Variants in ZNF425 observed in about 807,000 individuals in gnomAD.
ZNF425 encodes zinc finger protein 425.
A neutral mutation model predicts 17.0 loss-of-function variants in ZNF425; 21 were observed. That is an observed-to-expected ratio of 1.23 (90% CI 0.88 to 1.78). The LOEUF (loss-of-function observed/expected upper bound fraction) is 1.78, where lower values mean the gene tolerates loss of function less well. ZNF425 is among the 40% of genes most tolerant of loss of function. The pLI is 0.00. For missense variants in ZNF425, 868 were observed against 967.3 expected (o/e 0.90, Z 1.36); for synonymous variants, 433 against 384.1 (o/e 1.13, Z -1.49).
At chr7:149,114,173 C>T (rs186997252) in intron 2 of ZNF425, among the ~76,000 whole-genome samples, 1,545 of 151,822 alleles carry the variant, frequency 0.01, 10 homozygotes, top group African/African-American at 0.022. Flanking sequence ...ATTCTCCTGC[C>T]TCAGCCTCCT....
chr7:149,111,285 C>T (rs1585485180), intron 3 of ZNF425, among the ~76,000 whole-genome samples: 2 of 150,154 alleles, frequency 1.3e-5, no homozygotes, highest in Non-Finnish European at 3.0e-5. Context: ...ACTGTCTCTA[C>T]TAAAAATACA....
chr7:149,124,523 T>G (rs10246842), intron 1 of ZNF425, among the ~76,000 whole-genome samples: 1,622 of 142,678 alleles, frequency 0.011, 34 homozygotes, highest in African/African-American at 0.046. Context: ...TCACCCATAT[T>G]TTTTTGTTGT....
Position 149,103,884 on chromosome 7 carries a change from C to T in ZNF425, c.1987G>A (p.Glu663Lys), listed in dbSNP as rs774021145. 8.7e-6 allele frequency: 14 copies of T among 1,613,956 alleles called. No individual in the cohort carries two copies. In the East Asian group the frequency reaches 2.9e-4, roughly 33 times the overall value. ...CACTCCGGACACTGGAAGGGCTTCT[C>T]CCCGCTGTGGACTCGAATGTGTTCT... ...LTEHIRVHSG[E>K]KPFQCPECDK... The change falls in exon 4 of 4, where the codon GAG becomes AAG. Residue 663 changes from glutamate to lysine, a missense_variant. Physicochemically the swap from Glu to Lys is moderately conservative, Grantham distance 56. Coordinates refer to ENST00000378061, the MANE Select transcript of ZNF425 (RefSeq NM_001001661.3).
intron 1 of ZNF425, among the ~76,000 whole-genome samples, chr7:149,122,695 TTTTG>T (rs1480359388): frequency 6.6e-6 from 1 of 152,088 alleles, no homozygotes; most frequent in African/African-American, 2.4e-5. Flanking sequence ...GGTTTTTTGT[TTTTG>T]TTTTTGTTTT....
Position 149,104,617 on chromosome 7 carries a change from C to G in ZNF425, c.1254G>C (p.Glu418Asp), listed in dbSNP as rs1826043850. The change falls in exon 4 of 4, where the codon GAG becomes GAC. Residue 418 changes from glutamate to aspartate, a missense_variant. Around this residue, in one of 5 missense-constraint regions of ZNF425, gnomAD observed 437 missense variants for 444.2 expected, o/e 0.98. Coordinates refer to ENST00000378061, the MANE Select transcript of ZNF425 (RefSeq NM_001001661.3). This position sits in a 1 kb window ranked among gnomAD's most constrained non-coding sequence, Gnocchi z 4.3. ...TCTTGAGGCGGAAACTTTTGTTACA[C>G]TCGGGACACGAAAAGGGCTTCTCTC... ...HTGEKPFSCPECNKSFRLKRS... is the reference protein window; with the variant it reads ...HTGEKPFSCPDCNKSFRLKRS... 2 of 1,614,186 alleles carry G rather than the reference C, an allele frequency of 1.2e-6. No homozygotes were observed. The highest frequency in any genetic ancestry group is 1.7e-6 in the Non-Finnish European group (2 of 1,180,048).
intron 2 of ZNF425, among the ~76,000 whole-genome samples, chr7:149,117,518 C>T (rs1826285057): frequency 6.6e-6 from 1 of 151,518 alleles, no homozygotes; most frequent in African/African-American, 2.4e-5. Flanking sequence ...ACCAATAGTT[C>T]CTTGAAGATG....
chr7:149,115,915 C>T (rs1473891191), intron 2 of ZNF425, among the ~76,000 whole-genome samples: 3 of 152,182 alleles, frequency 2.0e-5, no homozygotes, highest in African/African-American at 4.8e-5. Context: ...AAATCCTAAG[C>T]GCTGGGGCTG....
chr7:149,112,156 A>T lies in ZNF425; in HGVS notation c.285T>A (p.Thr95=), dbSNP rs765317802. The change falls in exon 3 of 4, where the codon ACT becomes ACA. Residue 95 remains threonine, a synonymous_variant. Coordinates refer to ENST00000378061, the MANE Select transcript of ZNF425 (RefSeq NM_001001661.3). ...PTDEQLNMKN[T]GKLLCFDDEG... ...ACTCACCAAAACATAGCAACTTTCC[A>T]GTATTCTTCATGTTCAACTGTTCAT... is the stretch of plus-strand genomic sequence containing the variant. The T allele has an allele frequency of 5.6e-6, 9 of 1,613,722 alleles. No individual in the cohort carries two copies. Among genetic ancestry groups the T allele is most frequent in the Admixed American group, 1.7e-5 (1 of 59,920 alleles).
chr7:149,118,365 T>C lies in ZNF425; in HGVS notation c.19-17A>G. On this transcript the variant is annotated splice_polypyrimidine_tract_variant and intron_variant, in intron 1 of 3. Transcript: ENST00000378061. ...CACAGTTACCTGGAATCACAAATAG[T>C]ATACACATACATTTTTACTTTACGG... The C allele has an allele frequency of 1.2e-6, 2 of 1,613,836 alleles. No individual in the cohort carries two copies. The highest frequency in any genetic ancestry group is 1.6e-4 in the Middle Eastern group (1 of 6,062).
chr7:149,103,736 T>G lies in ZNF425; in HGVS notation c.2135A>C (p.His712Pro). Residue 712 changes from histidine to proline, a missense_variant, in exon 4 of 4, where the codon CAT (histidine) becomes CCT (proline). Physicochemically the swap from His to Pro is moderately conservative, Grantham distance 77. Around this residue, in one of 5 missense-constraint regions of ZNF425, gnomAD observed 437 missense variants for 444.2 expected, o/e 0.98. Coordinates refer to ENST00000378061, the MANE Select transcript of ZNF425 (RefSeq NM_001001661.3). ...GFLQKRSLKA[H>P]LCLHSGERPF... is the part of the protein sequence containing the mutation. ...CCTCTCCCCACTGTGAAGGCACAGA[T>G]GGGCCTTCAGGCTTCTCTTCTGGAG... 1 of 1,614,194 alleles carries G rather than the reference T, an allele frequency of 6.2e-7. No individual in the cohort carries two copies. Among genetic ancestry groups the G allele is most frequent in the Non-Finnish European group, 8.5e-7 (1 of 1,180,030 alleles).
chr7:149,119,252 C>T (rs557464892), intron 1 of ZNF425, among the ~76,000 whole-genome samples: 6 of 152,006 alleles, frequency 3.9e-5, no homozygotes, highest in Admixed American at 2.0e-4. Context: ...GCTGGGATTA[C>T]GGGGTGTGCC....
Position 149,104,606 on chromosome 7 carries a change from C to G in ZNF425, c.1265G>C (p.Ser422Thr). The G allele has an allele frequency of 2.5e-6, 4 of 1,614,138 alleles. No homozygotes were observed. Among genetic ancestry groups the G allele is most frequent in the Middle Eastern group, 1.6e-4 (1 of 6,062 alleles). Residue 422 changes from serine to threonine, a missense_variant, in exon 4 of 4, where the codon AGT becomes ACT. By Grantham distance (58) the Ser-to-Thr change is moderately conservative. Around this residue, in one of 5 missense-constraint regions of ZNF425, gnomAD observed 437 missense variants for 444.2 expected, o/e 0.98. Transcript: ENST00000378061. This position sits in a 1 kb window ranked among gnomAD's most constrained non-coding sequence, Gnocchi z 4.3. ...TTTCAGGCTTCTCTTGAGGCGGAAACTTTTGTTACACTCGGGACACGAAAA... is the reference window on the plus strand; with the variant it reads ...TTTCAGGCTTCTCTTGAGGCGGAAAGTTTTGTTACACTCGGGACACGAAAA... ...KPFSCPECNK[S>T]FRLKRSLKAH...
At position 149,104,224 on chromosome 7, in the gene ZNF425, A is replaced by G; in HGVS notation, c.1647T>C (p.Ser549=). The change falls in exon 4 of 4, where the codon AGT becomes AGC. Residue 549 remains serine (S), a synonymous_variant. Coordinates refer to ENST00000378061, the MANE Select transcript of ZNF425 (RefSeq NM_001001661.3). The surrounding 1 kb of genome is among the most constrained non-coding windows in gnomAD (Gnocchi z 4.3). ...CGGGACACTGGAAGGGCTCCTCGCC[A>G]CTGTGAAGCCTCGTGTGCTCTGTGA... ...AHLTEHTRLH[S]GEEPFQCPEC... is the part of the protein sequence containing the mutation. 2 of 1,612,768 alleles carry G rather than the reference A, an allele frequency of 1.2e-6. No individual in the cohort carries two copies. Among genetic ancestry groups the G allele is most frequent in the Non-Finnish European group, 1.7e-6 (2 of 1,179,244 alleles).
intron 1 of ZNF425, chr7:149,125,878 G>A (rs1168367983): frequency 1.2e-5 from 6 of 520,966 alleles, no homozygotes; most frequent in Non-Finnish European, 1.7e-5. Flanking sequence ...CAGAGGCACC[G>A]CGCGACGGAC....
At chr7:149,115,961 G>T (rs1010523613) in intron 2 of ZNF425, among the ~76,000 whole-genome samples, 1 of 152,186 alleles carries the variant, frequency 6.6e-6, no homozygotes, top group Non-Finnish European at 1.5e-5. Flanking sequence ...TCATTGGCAG[G>T]TAATACCATT....
intron 1 of ZNF425, among the ~76,000 whole-genome samples, chr7:149,119,938 A>G (rs981140698): frequency 1.3e-5 from 2 of 152,184 alleles, no homozygotes; most frequent in Admixed American, 1.3e-4. Flanking sequence ...ACCATTTTAT[A>G]TAAGGGACTT....
intron 3 of ZNF425, among the ~76,000 whole-genome samples, chr7:149,109,621 T>C (rs1436920947): frequency 6.6e-6 from 1 of 152,218 alleles, no homozygotes; most frequent in East Asian, 1.9e-4. Context: ...AATCTTATTT[T>C]ATAGTTGACT....
Position 149,104,466 on chromosome 7 carries a change from G to C in ZNF425, c.1405C>G (p.Pro469Ala), listed in dbSNP as rs751481446. 2 of 1,598,812 alleles carry C rather than the reference G, an allele frequency of 1.3e-6. No homozygotes were observed. Among genetic ancestry groups the C allele is most frequent in the African/African-American group, 1.3e-5 (1 of 74,486 alleles). Residue 469 changes from proline to alanine, a missense_variant, in exon 4 of 4, where the codon CCC (proline) becomes GCC (alanine). Pro to Ala is a conservative substitution (Grantham distance 27). This residue lies in a region of ZNF425 where 437 missense variants were observed against 444.2 expected (regional missense o/e 0.98). Transcript: ENST00000378061. The surrounding 1 kb of genome is among the most constrained non-coding windows in gnomAD (Gnocchi z 4.3). The part of the protein sequence containing the change: ...AHQRLHSEQK[P>A]FPCAECGKRF... ...TTGCCGCACTCGGCGCAGGGGAAGG[G>C]CTTTTGCTCGCTGTGCAGGCGCTGG...
intron 1 of ZNF425, among the ~76,000 whole-genome samples, chr7:149,123,300 A>G (rs1438329439): frequency 6.6e-6 from 1 of 152,158 alleles, no homozygotes; most frequent in African/African-American, 2.4e-5. Flanking sequence ...ATGACAGCCT[A>G]CTAGCAAAGT....
Sources: gnomAD v4.1 joint callset for allele counts (sites outside exome capture counted in the v4.1 genomes callset) on GRCh38, gnomAD v4.1.1 for gene constraint, gnomAD v4.1.1 regional missense constraint, Gnocchi (gnomAD v3.1) non-coding constraint, MANE v1.5 for transcripts, NCBI Gene and HGNC (gene_info 2026-07-23, HGNC 2026-07-21) for gene names.